Variants in TTBK2 observed in about 807,000 individuals in gnomAD.
The protein encoded by TTBK2 is tau-tubulin kinase 2.
In TTBK2, 28 loss-of-function variants were observed where a neutral mutation model predicts 110.8. That is an observed-to-expected ratio of 0.25 (90% CI 0.19 to 0.35). The LOEUF (loss-of-function observed/expected upper bound fraction) is 0.35, where lower values mean the gene tolerates loss of function less well. Among genes scored for constraint, TTBK2 ranks in the 10% least tolerant of loss-of-function variants. The probability of loss-of-function intolerance (pLI) is 1.00; values close to 1 mark genes in which losing one functional copy is unlikely to be tolerated. For missense variants in TTBK2, 1,369 were observed against 1,500.3 expected (o/e 0.91, Z 1.45); for synonymous variants, 532 against 527.3 (o/e 1.01, Z -0.12).
At chr15:42,749,921 A>C (rs1161200953) in intron 14 of TTBK2, among the ~76,000 whole-genome samples, 3 of 152,118 alleles carry the variant, frequency 2.0e-5, no homozygotes, top group South Asian at 2.1e-4. Context: ...AACCATCAAA[A>C]AAACAAACAA....
intron 2 of TTBK2, among the ~76,000 whole-genome samples, chr15:42,875,735 C>T (rs1348415575): frequency 1.3e-5 from 2 of 151,892 alleles, no homozygotes; most frequent in African/African-American, 4.8e-5. Context: ...GGCAAAACCC[C>T]GTCTCTACTA....
chr15:42,884,770 T>G (rs909661231), intron 1 of TTBK2, among the ~76,000 whole-genome samples: 2 of 152,216 alleles, frequency 1.3e-5, no homozygotes, highest in African/African-American at 2.4e-5. Context: ...GTCAGGCCTC[T>G]GAGCCCAAGC....
At chr15:42,773,551 A>G (rs751734975) in intron 13 of TTBK2, among the ~76,000 whole-genome samples, 6 of 152,222 alleles carry the variant, frequency 3.9e-5, no homozygotes, top group Non-Finnish European at 8.8e-5. Flanking sequence ...CAGAGAAAAC[A>G]CCGCAGTAGT....
chr15:42,855,721 G>A (rs1300532115), intron 3 of TTBK2, among the ~76,000 whole-genome samples: 1 of 152,160 alleles, frequency 6.6e-6, no homozygotes, highest in African/African-American at 2.4e-5. Context: ...GAGTCTTGCT[G>A]TCGCCCAGGC....
intron 13 of TTBK2, among the ~76,000 whole-genome samples, chr15:42,771,923 C>A (rs1371025495): frequency 3.9e-5 from 6 of 152,204 alleles, no homozygotes; most frequent in Non-Finnish European, 8.8e-5. Context: ...GGCTTAGTGC[C>A]CTCGGTACGA....
rs1293673026 is a variant in TTBK2 at position 42,833,080 on chromosome 15, A to T, written c.292-3002T>A. ...GGATTGAAGGAGGGAGAGGAGCAGA[A>T]AAGATAACTAGTGGGTACTGAGCTT... On this transcript the variant is annotated intron_variant, in intron 4 of 14. Transcript: ENST00000267890. 5.9e-5 allele frequency among the ~76,000 whole-genome samples: 9 copies of T among 152,204 alleles called. No individual in the cohort carries two copies. In the East Asian group the frequency reaches 1.7e-3, roughly 29 times the overall value.
intron 9 of TTBK2, among the ~76,000 whole-genome samples, chr15:42,806,371 G>A (rs548933090): frequency 6.6e-6 from 1 of 152,312 alleles, no homozygotes; most frequent in Admixed American, 6.5e-5. Context: ...ATTCTCCTTT[G>A]TTTCATTTGG....
intron 1 of TTBK2, among the ~76,000 whole-genome samples, chr15:42,883,180 G>A (rs905042771): frequency 3.3e-5 from 5 of 151,828 alleles, no homozygotes; most frequent in Admixed American, 1.3e-4. Context: ...TCGGGAGTTC[G>A]AGACCAGCCT....
At chr15:42,815,492 C>G (rs962279527) in intron 7 of TTBK2, among the ~76,000 whole-genome samples, 1 of 151,966 alleles carries the variant, frequency 6.6e-6, no homozygotes, top group African/African-American at 2.4e-5. Flanking sequence ...TTCCCAACTC[C>G]ATGCAAAAAA....
At chr15:42,828,564 A>C (rs1208502364) in intron 5 of TTBK2, among the ~76,000 whole-genome samples, 1 of 151,650 alleles carries the variant, frequency 6.6e-6, no homozygotes, top group East Asian at 1.9e-4. Flanking sequence ...AAAAAAAAAA[A>C]ATACAAAAAT....
chr15:42,869,330 C>T (rs1263829711), intron 3 of TTBK2, among the ~76,000 whole-genome samples: 1 of 151,570 alleles, frequency 6.6e-6, no homozygotes, highest in East Asian at 1.9e-4. Flanking sequence ...CTCAGGCGAT[C>T]CACCCACCTT....
rs577127450 is a variant in TTBK2, at chr15:42,753,216, G to C, written c.2030C>G (p.Thr677Arg). The C allele has an allele frequency of 6.0e-5, 97 of 1,613,984 alleles. 1 individual carries two copies. The South Asian group carries it at 9.3e-4, about 16-fold the overall frequency. Residue 677 changes from threonine (T) to arginine (R), a missense_variant, in exon 14 of 15, where the codon ACA (threonine) becomes AGA (arginine). This residue lies in a region of TTBK2 where 1,097 missense variants were observed against 1,114.7 expected (regional missense o/e 0.98). Transcript: ENST00000267890. ...ITIPRPSVAS[T>R]QSTSGSFHCG... Reference sequence around the variant, plus strand: ...GTGAAAGCTTCCTGAAGTTGACTGTGTAGATGCCACAGAAGGTCTAGGAAT... The same window carrying C: ...GTGAAAGCTTCCTGAAGTTGACTGTCTAGATGCCACAGAAGGTCTAGGAAT...
At chr15:42,839,319 G>A (rs1340295564) in intron 4 of TTBK2, among the ~76,000 whole-genome samples, 1 of 152,098 alleles carries the variant, frequency 6.6e-6, no homozygotes, top group Non-Finnish European at 1.5e-5. Flanking sequence ...TGGTATACAC[G>A]TACCACATTT....
chr15:42,816,982 T>C, intron 7 of TTBK2, 50 bp downstream of exon 7: 1 of 1,241,262 alleles, frequency 8.1e-7, no homozygotes, highest in Non-Finnish European at 1.1e-6. Context: ...TCAATCTGAT[T>C]TAAGCTATTA....
intron 13 of TTBK2, among the ~76,000 whole-genome samples, chr15:42,765,466 T>C (rs1595888776): frequency 6.6e-6 from 1 of 152,254 alleles, no homozygotes; most frequent in Non-Finnish European, 1.5e-5. Context: ...AACTACATGA[T>C]GCATGCACAA....
intron 1 of TTBK2, among the ~76,000 whole-genome samples, chr15:42,919,511 G>A (rs1482156222): frequency 6.6e-6 from 1 of 152,098 alleles, no homozygotes; most frequent in Non-Finnish European, 1.5e-5. Flanking sequence ...ACACTGAGTG[G>A]ATCCTCCCTC....
intron 4 of TTBK2, among the ~76,000 whole-genome samples, chr15:42,831,882 A>G (rs796835748): frequency 3.9e-5 from 6 of 152,316 alleles, no homozygotes; most frequent in African/African-American, 1.4e-4. Flanking sequence ...TAGGGGTACT[A>G]TGTGACTAAT....
intron 1 of TTBK2, among the ~76,000 whole-genome samples, chr15:42,879,114 C>T (rs1437152409): frequency 3.3e-5 from 5 of 152,040 alleles, no homozygotes; most frequent in Admixed American, 1.3e-4. Context: ...ACAAAATGCA[C>T]AGGAAATAAA....
intron 3 of TTBK2, among the ~76,000 whole-genome samples, chr15:42,842,668 G>C (rs564768122): frequency 1.3e-5 from 2 of 151,444 alleles, no homozygotes; most frequent in Non-Finnish European, 2.9e-5. Flanking sequence ...GGAGGATTGC[G>C]TGAGGCCAGG....
Sources: allele counts gnomAD v4.1 joint callset (sites outside exome capture counted in the v4.1 genomes callset), GRCh38; gene constraint gnomAD v4.1.1; regional missense constraint gnomAD v4.1.1; transcripts MANE v1.5; gene names NCBI Gene and HGNC (gene_info 2026-07-23, HGNC 2026-07-21).